KIAA0586: variants seen among roughly 807,000 people sequenced by gnomAD.
KIAA0586 encodes the protein protein TALPID3.
A neutral mutation model predicts 169.8 loss-of-function variants in KIAA0586; 144 were observed. The observed-to-expected ratio is 0.85, with a 90% CI of 0.74 to 0.97. The LOEUF (loss-of-function observed/expected upper bound fraction) is 0.97. KIAA0586 is among the 50% of genes least tolerant of loss of function. KIAA0586 has a pLI of 0.00. For missense variants in KIAA0586, 1,854 were observed against 1,823.0 expected (o/e 1.02, Z -0.31); for synonymous variants, 625 against 612.4 (o/e 1.02, Z -0.30).
chr14:58,431,191 A>G (rs951212555), intron 3 of KIAA0586, among the ~76,000 whole-genome samples: 1 of 152,226 alleles, frequency 6.6e-6, no homozygotes, highest in Non-Finnish European at 1.5e-5. Flanking sequence ...TATAAAATCC[A>G]GAATAAGGTT....
Position 58,450,661 on chromosome 14 carries a change from T to C in KIAA0586, c.1044T>C (p.Pro348=). Residue 348 remains proline (P), a synonymous_variant, in exon 8 of 31, where the codon CCT becomes CCC. Transcript: ENST00000652326. ...LETPAPRRFA[P]VPVSRDDELS... is the part of the protein sequence containing the mutation. ...CACCAGCACCTCGCAGATTTGCTCC[T>C]GTACCTGTTTCAAGGGATGATGAAC... is the stretch of plus-strand genomic sequence containing the variant. The C allele has an allele frequency of 1.2e-6, 2 of 1,609,928 alleles. No individual in the cohort carries two copies. The highest frequency in any genetic ancestry group is 1.7e-6 in the Non-Finnish European group (2 of 1,176,268).
intron 4 of KIAA0586, among the ~76,000 whole-genome samples, chr14:58,436,446 A>G (rs1340900794): frequency 6.6e-6 from 1 of 152,238 alleles, no homozygotes; most frequent in African/African-American, 2.4e-5. Context: ...CCAAAGGCTA[A>G]GATAAATTAA....
chr14:58,484,900 A>ATATTTATATATATT (rs1555391503), intron 21 of KIAA0586, among the ~76,000 whole-genome samples: 6 of 9,160 alleles, frequency 6.6e-4, no homozygotes, highest in Non-Finnish European at 8.3e-4. Context: ...TTATATATAT[A>ATATTTATATATATT]TATATATATA....
chr14:58,458,528 A>C lies in KIAA0586; in HGVS notation c.1639A>C (p.Ile547Leu), dbSNP rs2040058063. The change falls in exon 12 of 31, where the codon ATT becomes CTT. Residue 547 changes from isoleucine to leucine, a missense_variant. Ile to Leu is a conservative substitution (Grantham distance 5). Coordinates refer to ENST00000652326, the MANE Select transcript of KIAA0586 (RefSeq NM_001329943.3). ...GACAGTGGATGAATGGATTAAAACT[A>C]TTTCTGCAGAAATTCAGGTATGTCT... ...RKTVDEWIKT[I>L]SAEIQDELSR... The C allele has an allele frequency of 6.5e-7, 1 of 1,537,984 alleles. No individual in the cohort carries two copies.
intron 26 of KIAA0586, among the ~76,000 whole-genome samples, chr14:58,494,972 C>G (rs560713938): frequency 6.6e-6 from 1 of 152,096 alleles, no homozygotes; most frequent in Non-Finnish European, 1.5e-5. Flanking sequence ...CTCACAAAGC[C>G]CCTCCACACA....
downstream of KIAA0586, among the ~76,000 whole-genome samples, chr14:58,554,362 A>G (rs2047232542): frequency 6.6e-6 from 1 of 152,204 alleles, no homozygotes; most frequent in Non-Finnish European, 1.5e-5. Flanking sequence ...TTTCTCTTCT[A>G]GTGGAACTGG....
chr14:58,430,273 G>A (rs1014387172), intron 2 of KIAA0586, among the ~76,000 whole-genome samples: 3 of 151,770 alleles, frequency 2.0e-5, no homozygotes, highest in Non-Finnish European at 2.9e-5. Flanking sequence ...TCTTCGTGAT[G>A]TTGTGCCATC....
intron 11 of KIAA0586, 59 bp downstream of exon 11, chr14:58,458,038 A>G: frequency 1.7e-6 from 2 of 1,151,272 alleles, no homozygotes; most frequent in Non-Finnish European, 2.5e-6. Flanking sequence ...CTTTCTTCAT[A>G]ATTTTTTTCT....
At chr14:58,500,790 A>G (rs1172011283) in intron 27 of KIAA0586, among the ~76,000 whole-genome samples, 1 of 152,102 alleles carries the variant, frequency 6.6e-6, no homozygotes, top group Non-Finnish European at 1.5e-5. Flanking sequence ...AAACAGTGAA[A>G]TCACCAAAAA....
At position 58,432,460 on chromosome 14, in the gene KIAA0586, A is replaced by G. The variant is rs1344105817; in HGVS notation, c.410+3A>G. 2 of 1,500,608 alleles carry G rather than the reference A, an allele frequency of 1.3e-6. No homozygotes were observed. Among genetic ancestry groups the G allele is most frequent in the Admixed American group, 2.0e-5 (1 of 50,986 alleles). 93.0% of individuals were successfully genotyped at this position (1,500,608 alleles called of 1,614,324 possible). ...CTAAGAACAGTTTTAAAGCAAAAGT[A>G]AGTTTCATTTACAGAAAATAATTGG... On this transcript the variant is annotated splice_donor_region_variant and intron_variant, in intron 4 of 30. Coordinates refer to ENST00000652326, the MANE Select transcript of KIAA0586 (RefSeq NM_001329943.3).
At chr14:58,474,546 G>C in intron 18 of KIAA0586, 61 bp from the exon 19 acceptor site, 1 of 1,164,988 alleles carries the variant, frequency 8.6e-7, no homozygotes. Flanking sequence ...GCCTATAGTT[G>C]GTACTCAGTA....
At chr14:58,475,205 G>A (rs1040714536) in intron 19 of KIAA0586, among the ~76,000 whole-genome samples, 9 of 152,190 alleles carry the variant, frequency 5.9e-5, no homozygotes, top group African/African-American at 1.9e-4. Context: ...GCGGGTGAGT[G>A]AGCATTACTG....
At chr14:58,506,124 T>G (rs1215548130) in intron 27 of KIAA0586, among the ~76,000 whole-genome samples, 1 of 152,186 alleles carries the variant, frequency 6.6e-6, no homozygotes, top group Non-Finnish European at 1.5e-5. Flanking sequence ...TTTCAATATC[T>G]TCTTTTTTTA....
rs148303694 is a variant in KIAA0586, at chr14:58,547,121, A to C, written c.4496-660A>C. Among the ~76,000 whole-genome samples, 217 of 151,930 alleles carry C rather than the reference A, an allele frequency of 1.4e-3. 1 individual carries two copies. The highest frequency in any genetic ancestry group is 5.1e-3 in the African/African-American group (212 of 41,372). On this transcript the variant is annotated intron_variant, in intron 30 of 30. Coordinates refer to ENST00000652326, the MANE Select transcript of KIAA0586 (RefSeq NM_001329943.3). ...AGTGCCTTGGCAACCTTTGACTTCAAATGCCTTTTACATGGCTGATATCTT... is the reference window on the plus strand; with the variant it reads ...AGTGCCTTGGCAACCTTTGACTTCACATGCCTTTTACATGGCTGATATCTT...
rs1364850537 is a variant in KIAA0586 at position 58,465,875 on chromosome 14, T to C, written c.2100T>C (p.Tyr700=). 1 of 1,612,276 alleles carries C rather than the reference T, an allele frequency of 6.2e-7. No homozygotes were observed. The highest frequency in any genetic ancestry group is 8.5e-7 in the Non-Finnish European group (1 of 1,178,992). ...VKSIRTQTDF[Y]ATKPKKMDSK... ...CAATAAGAACACAGACTGACTTCTATGCAACAAAACCTAAGAAGATGGATT... is the reference window on the plus strand; with the variant it reads ...CAATAAGAACACAGACTGACTTCTACGCAACAAAACCTAAGAAGATGGATT... Residue 700 remains tyrosine, a synonymous_variant, in exon 15 of 31, where the codon TAT becomes TAC. Transcript: ENST00000652326.
rs533782933 is a variant in KIAA0586 at position 58,497,030 on chromosome 14, A to G, written c.3991-1753A>G. On this transcript the variant is annotated intron_variant, in intron 26 of 30. Transcript: ENST00000652326. Reference sequence around the variant, plus strand: ...GCTTTTGTTGCCCAGGCAGGAATGCAGTGGCGGGATCTCGGCTCACCACAA... The same window carrying G: ...GCTTTTGTTGCCCAGGCAGGAATGCGGTGGCGGGATCTCGGCTCACCACAA... Among the ~76,000 whole-genome samples, 8 of 150,058 alleles carry G rather than the reference A, an allele frequency of 5.3e-5. 1 individual carries two copies. The East Asian group carries it at 1.6e-3, about 30-fold the overall frequency.
intron 3 of KIAA0586, among the ~76,000 whole-genome samples, chr14:58,432,113 G>C (rs1040767266): frequency 1.3e-5 from 2 of 152,112 alleles, no homozygotes; most frequent in Non-Finnish European, 2.9e-5. Context: ...GTATTGAAAA[G>C]AGTGGTAAGA....
chr14:58,456,874 A>G (rs1488911579), intron 10 of KIAA0586, 64 bp downstream of exon 10: 1 of 876,922 alleles, frequency 1.1e-6, no homozygotes, highest in African/African-American at 1.7e-5. Context: ...GGAATAAAAG[A>G]GTTATAAAGA....
chr14:58,532,345 A>G (rs1327725330), intron 29 of KIAA0586, among the ~76,000 whole-genome samples: 1 of 152,176 alleles, frequency 6.6e-6, no homozygotes, highest in East Asian at 1.9e-4. Context: ...CTTGCATAGG[A>G]TGAAAGATTT....
Sources: allele counts gnomAD v4.1 joint callset (sites outside exome capture counted in the v4.1 genomes callset), GRCh38; gene constraint gnomAD v4.1.1; transcripts MANE v1.5; gene names NCBI Gene and HGNC (gene_info 2026-07-23, HGNC 2026-07-21).